TMEM170B: variants seen among roughly 807,000 people sequenced by gnomAD.
TMEM170B encodes the protein transmembrane protein 170B.
In TMEM170B, 6 loss-of-function variants were observed where a neutral mutation model predicts 13.0. The ratio of observed to expected loss-of-function variants is 0.46; its 90% confidence interval spans 0.25 to 0.91. The LOEUF (loss-of-function observed/expected upper bound fraction) is 0.91. TMEM170B is among the 40% of genes least tolerant of loss of function. The pLI, the probability that TMEM170B is intolerant of heterozygous loss-of-function variation, is 0.17. For missense variants in TMEM170B, 138 were observed against 165.2 expected, an observed-to-expected ratio of 0.84 and a Z score of 0.90; for synonymous variants, 61 against 64.9, an observed-to-expected ratio of 0.94 and a Z score of 0.29.
intron 1 of TMEM170B, among the ~76,000 whole-genome samples, chr6:11,557,205 A>G (rs559911270): frequency 3.9e-4 from 59 of 152,304 alleles, no homozygotes; most frequent in Middle Eastern, 3.4e-3. Flanking sequence ...TCACCTCACT[A>G]ATGAGCTAAG....
Position 11,575,316 on chromosome 6 carries a change from G to GA in TMEM170B, c.269-108dup. On this transcript the variant is annotated intron_variant, in intron 2 of 2. Transcript: ENST00000379426. The surrounding 1 kb of genome is among the most constrained non-coding windows in gnomAD (Gnocchi z 4.1). The stretch of plus-strand genomic sequence containing the variant: ...TTTTCATAGAAAGTGGATAAAATGA[G>GA]AAAAAAATGATGACTTATGTTTTGA... 4 of 1,392,068 alleles carry GA rather than the reference G, an allele frequency of 2.9e-6. No individual in the cohort carries two copies. The highest frequency in any genetic ancestry group is 4.4e-5 in the Admixed American group (2 of 45,044). The allele number at this position is 1,392,068 out of a possible 1,614,324, so 86.2% of individuals were successfully genotyped here. A position where few individuals can be genotyped will look rare whatever the true frequency, so the allele number is the denominator to read the frequency against.
intron 1 of TMEM170B, among the ~76,000 whole-genome samples, chr6:11,554,833 TTAA>T (rs1447889007): frequency 2.0e-5 from 3 of 152,284 alleles, no homozygotes; most frequent in East Asian, 3.9e-4. Flanking sequence ...TAGGAAACTA[TTAA>T]GTATCTACAG....
chr6:11,568,229 G>A (rs372118862), intron 2 of TMEM170B, among the ~76,000 whole-genome samples: 8 of 152,280 alleles, frequency 5.3e-5, no homozygotes, highest in African/African-American at 9.6e-5. Flanking sequence ...AGTAATGGCC[G>A]TAGGTTGGGA....
chr6:11,549,392 G>A (rs1372427118), intron 1 of TMEM170B, among the ~76,000 whole-genome samples: 14 of 152,092 alleles, frequency 9.2e-5, no homozygotes, highest in African/African-American at 2.9e-4. Flanking sequence ...GGCCAGGCAC[G>A]GTGGCTCACG....
At chr6:11,544,958 T>C (rs562857701) in intron 1 of TMEM170B, among the ~76,000 whole-genome samples, 26 of 152,364 alleles carry the variant, frequency 1.7e-4, no homozygotes, top group Admixed American at 7.2e-4. Flanking sequence ...TGTTTTTTTT[T>C]TGGCTTTACT....
intron 1 of TMEM170B, among the ~76,000 whole-genome samples, chr6:11,541,894 G>A (rs973246767): frequency 2.0e-5 from 3 of 152,194 alleles, no homozygotes; most frequent in Admixed American, 6.5e-5. Flanking sequence ...GAGAGAGACT[G>A]AGGAATGGCT....
At chr6:11,572,096 T>C (rs1038492845) in intron 2 of TMEM170B, among the ~76,000 whole-genome samples, 2 of 152,070 alleles carry the variant, frequency 1.3e-5, no homozygotes, top group African/African-American at 4.8e-5. Flanking sequence ...TTTAGAAAAA[T>C]AATTTGGCAC....
intron 2 of TMEM170B, among the ~76,000 whole-genome samples, chr6:11,570,423 C>G (rs889047030): frequency 1.3e-5 from 2 of 151,760 alleles, no homozygotes; most frequent in African/African-American, 4.8e-5. Context: ...AGGGTTAAGG[C>G]AGAAGAGTAA....
At chr6:11,538,519 A>T in intron 1 of TMEM170B, 145 bp downstream of exon 1, 1 of 620,768 alleles carries the variant, frequency 1.6e-6, no homozygotes, top group Non-Finnish European at 2.6e-6. Flanking sequence ...GAAGGTGTTA[A>T]TCGGAGCCAC....
intron 1 of TMEM170B, among the ~76,000 whole-genome samples, chr6:11,542,861 G>A (rs1759380422): frequency 6.6e-6 from 1 of 152,110 alleles, no homozygotes; most frequent in Admixed American, 6.5e-5. Context: ...TGTGTGTTAG[G>A]CACTTTACAT....
chr6:11,541,778 T>C (rs981518084), intron 1 of TMEM170B, among the ~76,000 whole-genome samples: 17 of 152,190 alleles, frequency 1.1e-4, no homozygotes, highest in African/African-American at 3.9e-4. Context: ...AAGTGAGATA[T>C]CTGACTCTTT....
intron 1 of TMEM170B, among the ~76,000 whole-genome samples, chr6:11,539,745 T>C (rs748171931): frequency 6.6e-6 from 1 of 152,238 alleles, no homozygotes; most frequent in African/African-American, 2.4e-5. Context: ...AGAGGTAGAC[T>C]GCTTTATCTT....
At chr6:11,570,941 T>TA (rs1221803878) in intron 2 of TMEM170B, among the ~76,000 whole-genome samples, 2 of 152,184 alleles carry the variant, frequency 1.3e-5, no homozygotes, top group African/African-American at 2.4e-5. Flanking sequence ...CTCTGGATTT[T>TA]AAAAAATCAC....
At chr6:11,540,766 T>C (rs1759349032) in intron 1 of TMEM170B, among the ~76,000 whole-genome samples, 1 of 152,184 alleles carries the variant, frequency 6.6e-6, no homozygotes, top group South Asian at 2.1e-4. Context: ...GGAATCACTA[T>C]CTCTGGCAGT....
intron 1 of TMEM170B, among the ~76,000 whole-genome samples, chr6:11,564,661 T>A (rs1221322794): frequency 6.6e-6 from 1 of 152,218 alleles, no homozygotes; most frequent in Non-Finnish European, 1.5e-5. Flanking sequence ...AGGATGGTAA[T>A]GAGTCAGGCC....
chr6:11,552,338 A>G lies in TMEM170B; in HGVS notation c.98-13328A>G, dbSNP rs532845017. 5.3e-5 allele frequency among the ~76,000 whole-genome samples: 8 copies of G among 152,316 alleles called. No homozygotes were observed. In the East Asian group the frequency reaches 1.5e-3, roughly 29 times the overall value. ...AAAGTGACTTGTCTTTTAACAGATT[A>G]TATTAAATTTATCTTTTGAGAATGT... is the stretch of plus-strand genomic sequence containing the variant. On this transcript the variant is annotated intron_variant, in intron 1 of 2. Coordinates refer to ENST00000379426, the MANE Select transcript of TMEM170B (RefSeq NM_001100829.3).
chr6:11,555,846 A>G (rs1759581047), intron 1 of TMEM170B, among the ~76,000 whole-genome samples: 1 of 152,170 alleles, frequency 6.6e-6, no homozygotes, highest in Admixed American at 6.6e-5. Flanking sequence ...TTTTTGATTG[A>G]AAAAGTCTCA....
At chr6:11,541,976 C>T (rs1003161736) in intron 1 of TMEM170B, among the ~76,000 whole-genome samples, 2 of 151,670 alleles carry the variant, frequency 1.3e-5, no homozygotes, top group Non-Finnish European at 2.9e-5. Context: ...CATCAGAGAT[C>T]ACTTATCACA....
At chr6:11,573,420 A>G (rs1362320139) in intron 2 of TMEM170B, among the ~76,000 whole-genome samples, 1 of 152,138 alleles carries the variant, frequency 6.6e-6, no homozygotes, top group African/African-American at 2.4e-5. Flanking sequence ...ACTAGCCAAA[A>G]TTTGTTGAGT....
Sources: gnomAD v4.1 joint callset for allele counts (sites outside exome capture counted in the v4.1 genomes callset) on GRCh38, gnomAD v4.1.1 for gene constraint, Gnocchi (gnomAD v3.1) non-coding constraint, MANE v1.5 for transcripts, NCBI Gene and HGNC (gene_info 2026-07-23, HGNC 2026-07-21) for gene names.